Variants in HAT1 observed in about 807,000 individuals in gnomAD.
HAT1 encodes histone acetyltransferase 1, also known as histone acetyltransferase type B catalytic subunit.
HAT1 carries 20 observed loss-of-function variants against 56.6 expected under a neutral mutation model. The observed-to-expected ratio is 0.35, with a 90% CI of 0.25 to 0.51. The LOEUF (loss-of-function observed/expected upper bound fraction) is 0.51, where lower values mean the gene tolerates loss of function less well. Ranked by LOEUF, HAT1 falls within the 20% of genes least tolerant of loss-of-function variation. The probability of loss-of-function intolerance (pLI) is 0.95; values close to 1 mark genes in which losing one functional copy is unlikely to be tolerated. For missense variants in HAT1, 408 were observed against 504.3 expected (o/e 0.81, Z 1.83); for synonymous variants, 146 against 165.5 (o/e 0.88, Z 0.91).
At chr2:171,947,521 G>C (rs1687197873) in intron 3 of HAT1, among the ~76,000 whole-genome samples, 1 of 152,140 alleles carries the variant, frequency 6.6e-6, no homozygotes, top group Non-Finnish European at 1.5e-5. Flanking sequence ...CTCCCAAAGA[G>C]CTGGGACTAC....
intron 9 of HAT1, 112 bp downstream of exon 9, chr2:171,976,420 C>A: frequency 2.0e-6 from 1 of 506,064 alleles, no homozygotes; most frequent in Non-Finnish European, 3.2e-6. Flanking sequence ...TGGGAACTAG[C>A]AATGGTTAAC....
chr2:171,971,561 C>T (rs1687816875), intron 8 of HAT1, among the ~76,000 whole-genome samples: 1 of 152,270 alleles, frequency 6.6e-6, no homozygotes, highest in South Asian at 2.1e-4. Flanking sequence ...TGTCTTTCCT[C>T]ATTGAATTGC....
At chr2:171,932,997 T>C (rs1686783007) in intron 2 of HAT1, among the ~76,000 whole-genome samples, 1 of 152,230 alleles carries the variant, frequency 6.6e-6, no homozygotes, top group Non-Finnish European at 1.5e-5. Context: ...GCATTGCCTT[T>C]GTCTGTTATT....
At chr2:171,945,596 C>T (rs1027773631) in intron 2 of HAT1, among the ~76,000 whole-genome samples, 1 of 149,536 alleles carries the variant, frequency 6.7e-6, no homozygotes, top group East Asian at 2.0e-4. Context: ...TGGATTTAAG[C>T]GATTCTCCTG....
chr2:171,938,797 G>C (rs1686942188), intron 2 of HAT1, among the ~76,000 whole-genome samples: 1 of 151,964 alleles, frequency 6.6e-6, no homozygotes, highest in African/African-American at 2.4e-5. Context: ...CTACAGTGCA[G>C]TGGTGCAGTC....
chr2:171,960,074 A>G (rs1290882660), intron 4 of HAT1, among the ~76,000 whole-genome samples: 7 of 152,226 alleles, frequency 4.6e-5, no homozygotes, highest in Non-Finnish European at 1.0e-4. Flanking sequence ...TTTGCAAGAA[A>G]TAAGAGTAGT....
intron 2 of HAT1, among the ~76,000 whole-genome samples, chr2:171,938,746 AT>A (rs200912128): frequency 1.7e-3 from 250 of 146,278 alleles, no homozygotes; most frequent in Admixed American, 3.4e-3. Context: ...TCTGAAACAT[AT>A]TTTTTTTTTT....
intron 3 of HAT1, among the ~76,000 whole-genome samples, chr2:171,949,867 A>G (rs1015687777): frequency 1.3e-5 from 2 of 152,132 alleles, no homozygotes; most frequent in Non-Finnish European, 2.9e-5. Context: ...TTGATGCTCA[A>G]ATTATCCCAG....
At chr2:171,929,356 T>C (rs1317897787) in intron 2 of HAT1, among the ~76,000 whole-genome samples, 1 of 152,240 alleles carries the variant, frequency 6.6e-6, no homozygotes, top group Non-Finnish European at 1.5e-5. Flanking sequence ...TACCTACATA[T>C]TCTGGATGAG....
At chr2:171,966,022 A>T in intron 6 of HAT1, 114 bp downstream of exon 6, 1 of 970,828 alleles carries the variant, frequency 1.0e-6, no homozygotes, top group Non-Finnish European at 1.5e-6. Flanking sequence ...AGGAAAGAAA[A>T]ACTATTGTTT....
intron 4 of HAT1, among the ~76,000 whole-genome samples, chr2:171,964,630 A>G (rs929109781): frequency 1.3e-5 from 2 of 152,134 alleles, no homozygotes; most frequent in African/African-American, 2.4e-5. Flanking sequence ...TGGGATTTTG[A>G]AAAGGATTAT....
intron 2 of HAT1, among the ~76,000 whole-genome samples, chr2:171,941,119 T>G (rs1687007988): frequency 6.6e-6 from 1 of 152,202 alleles, no homozygotes; most frequent in Admixed American, 6.5e-5. Context: ...TGGAACTACA[T>G]GAACTCACTT....
intron 4 of HAT1, among the ~76,000 whole-genome samples, chr2:171,955,731 A>G (rs1687423127): frequency 6.6e-6 from 1 of 152,180 alleles, no homozygotes; most frequent in South Asian, 2.1e-4. Context: ...ATATATAGTC[A>G]TAAACTTAGT....
chr2:171,956,797 TAAAC>T (rs1207073688), intron 4 of HAT1, among the ~76,000 whole-genome samples: 1 of 152,164 alleles, frequency 6.6e-6, no homozygotes, highest in African/African-American at 2.4e-5. Context: ...GAAGAACTGT[TAAAC>T]AAAAAGGATA....
chr2:171,944,451 C>A (rs1313921171), intron 2 of HAT1, among the ~76,000 whole-genome samples: 1 of 152,202 alleles, frequency 6.6e-6, no homozygotes, highest in Non-Finnish European at 1.5e-5. Context: ...GAGAAAACTT[C>A]ATGGGTGATG....
chr2:171,929,875 AT>A lies in HAT1; in HGVS notation c.112+4240del, dbSNP rs535478605. 5.3e-5 allele frequency among the ~76,000 whole-genome samples: 8 copies of A among 152,218 alleles called. No individual in the cohort carries two copies. In the South Asian group the frequency reaches 1.2e-3, roughly 24 times the overall value. ...CTGGTAGTGTGAGTCCCACATCTTT[AT>A]TTTTTAAAGATTGTTTCGATTATTC... On this transcript the variant is annotated intron_variant, in intron 2 of 10. Transcript: ENST00000264108.
At chr2:171,974,193 GAA>G (rs1277239116) in intron 8 of HAT1, among the ~76,000 whole-genome samples, 1,057 of 91,690 alleles carry the variant, frequency 0.012, 7 homozygotes, top group African/African-American at 0.02. Flanking sequence ...AAAAAAAAAA[GAA>G]AAAAAGAAAA....
chr2:171,924,910 A>C (rs1020907997), intron 1 of HAT1: 2 of 152,204 alleles, frequency 1.3e-5, no homozygotes, highest in African/African-American at 4.8e-5. Flanking sequence ...AAGACGACTT[A>C]GGTATAAATC....
chr2:171,971,199 C>A (rs141535795), intron 8 of HAT1, among the ~76,000 whole-genome samples: 149,735 of 152,326 alleles, frequency 0.98, 73,659 homozygotes, highest in Middle Eastern at 1. Flanking sequence ...CTCCGTCTCA[C>A]AAACAAACAA....
Sources: allele counts gnomAD v4.1 joint callset (sites outside exome capture counted in the v4.1 genomes callset), GRCh38; gene constraint gnomAD v4.1.1; transcripts MANE v1.5; gene names NCBI Gene and HGNC (gene_info 2026-07-23, HGNC 2026-07-21).